Variants in NDEL1 observed in about 807,000 individuals in gnomAD.
The protein encoded by NDEL1 is nudE neurodevelopment protein 1 like 1.
A neutral mutation model predicts 45.7 loss-of-function variants in NDEL1; 9 were observed. That is an observed-to-expected ratio of 0.20 (90% CI 0.12 to 0.34). The LOEUF is 0.34. Among genes scored for constraint, NDEL1 ranks in the 10% least tolerant of loss-of-function variants. NDEL1 has a pLI of 1.00. For missense variants in NDEL1, 306 were observed against 406.2 expected, an observed-to-expected ratio of 0.75 and a Z score of 2.12; for synonymous variants, 133 against 158.6, an observed-to-expected ratio of 0.84 and a Z score of 1.21.
chr17:8,469,464 C>T (rs1455259504), downstream of NDEL1, among the ~76,000 whole-genome samples: 1 of 152,174 alleles, frequency 6.6e-6, no homozygotes, highest in African/African-American at 2.4e-5. Flanking sequence ...CTGCCAATTG[C>T]TGGTCACTCA....
intron 1 of NDEL1, among the ~76,000 whole-genome samples, chr17:8,426,369 G>A (rs1207679979): frequency 3.3e-5 from 5 of 152,188 alleles, no homozygotes; most frequent in Admixed American, 2.0e-4. Flanking sequence ...TTTCAGCCCC[G>A]TCATTTCATT....
At chr17:8,457,095 T>A (rs1233219589) in intron 7 of NDEL1, among the ~76,000 whole-genome samples, 1 of 152,268 alleles carries the variant, frequency 6.6e-6, no homozygotes, top group African/African-American at 2.4e-5. Context: ...ACTGGGTTTT[T>A]AAATATTTCG....
chr17:8,466,888 G>C (rs111386815), intron 8 of NDEL1, 42 bp from the exon 9 acceptor site: 1 of 1,569,588 alleles, frequency 6.4e-7, no homozygotes, highest in East Asian at 2.2e-5. Context: ...TGAGTTTTTC[G>C]TTTCCCCTTT....
At chr17:8,428,546 G>A (rs1284225518) in intron 1 of NDEL1, among the ~76,000 whole-genome samples, 1 of 149,922 alleles carries the variant, frequency 6.7e-6, no homozygotes, top group African/African-American at 2.5e-5. Flanking sequence ...TGTATTTTTA[G>A]TAGACATGGG....
chr17:8,463,162 A>G, intron 8 of NDEL1: 3 of 546,664 alleles, frequency 5.5e-6, no homozygotes, highest in Non-Finnish European at 9.8e-6. Flanking sequence ...TTTTTTTCCC[A>G]TAACTTTATG....
downstream of NDEL1, among the ~76,000 whole-genome samples, chr17:8,470,870 C>T (rs187768428): frequency 4.6e-5 from 7 of 152,310 alleles, no homozygotes; most frequent in East Asian, 3.9e-4. This position sits in a 1 kb window ranked among gnomAD's most constrained non-coding sequence, Gnocchi z 4.2. Context: ...GTGCCCGCTG[C>T]GCATGCTGAC....
intron 4 of NDEL1, among the ~76,000 whole-genome samples, chr17:8,448,288 T>TA (rs1440409520): frequency 1.3e-5 from 2 of 152,334 alleles, no homozygotes; most frequent in East Asian, 3.9e-4. Context: ...ACAGTGGAGA[T>TA]ATAAATAGTG....
At chr17:8,423,876 A>G (rs980530575) in intron 1 of NDEL1, among the ~76,000 whole-genome samples, 1 of 152,214 alleles carries the variant, frequency 6.6e-6, no homozygotes, top group Non-Finnish European at 1.5e-5. Context: ...TACTGGGGTT[A>G]CTTGGCTGAA....
chr17:8,431,571 G>A (rs1175437596), upstream of NDEL1, among the ~76,000 whole-genome samples: 3 of 152,216 alleles, frequency 2.0e-5, no homozygotes, highest in Non-Finnish European at 4.4e-5. Context: ...TGTTAATAGT[G>A]TGTTTTCTGG....
intron 2 of NDEL1, 104 bp downstream of exon 2, chr17:8,444,461 G>A: frequency 1.4e-6 from 1 of 739,240 alleles, no homozygotes. Flanking sequence ...TAGAATTGCA[G>A]ATTTAGGATT....
At chr17:8,446,999 C>T in intron 4 of NDEL1, 97 bp downstream of exon 4, 2 of 1,435,002 alleles carry the variant, frequency 1.4e-6, no homozygotes, top group Non-Finnish European at 1.9e-6. Flanking sequence ...AGTCCCAGAA[C>T]ATTTCCTGTT....
At chr17:8,421,133 T>C (rs940112108) in intron 1 of NDEL1, among the ~76,000 whole-genome samples, 12 of 152,198 alleles carry the variant, frequency 7.9e-5, no homozygotes, top group Admixed American at 2.0e-4. Context: ...ATGAGGTTAA[T>C]GGAAGATTTA....
chr17:8,463,166 C>CT (rs1911329488), intron 8 of NDEL1: 1 of 540,928 alleles, frequency 1.8e-6, no homozygotes, highest in African/African-American at 2.0e-5. Context: ...TTTCCCATAA[C>CT]TTTATGTAGT....
chr17:8,428,629 C>A (rs1256787750), intron 1 of NDEL1, among the ~76,000 whole-genome samples: 1 of 151,886 alleles, frequency 6.6e-6, no homozygotes, highest in African/African-American at 2.4e-5. Context: ...TCCCAAAGTG[C>A]TGGGATTATA....
At chr17:8,446,615 T>G in intron 3 of NDEL1, 139 bp from the exon 4 acceptor site, 1 of 752,070 alleles carries the variant, frequency 1.3e-6, no homozygotes, top group Non-Finnish European at 2.0e-6. Flanking sequence ...AATGTGTCAT[T>G]TAGTTGTTTT....
chr17:8,469,748 G>C (rs1396409272), downstream of NDEL1, among the ~76,000 whole-genome samples: 1 of 151,234 alleles, frequency 6.6e-6, no homozygotes, highest in Non-Finnish European at 1.5e-5. Flanking sequence ...CTGTCGCCCA[G>C]GCTGGAGTGC....
At position 8,444,257 on chromosome 17, in the gene NDEL1, C is replaced by T. The variant is rs1230172309; in HGVS notation, c.-12-3C>T. The T allele has an allele frequency of 6.3e-7, 1 of 1,576,858 alleles. No homozygotes were observed. The highest frequency in any genetic ancestry group is 8.7e-7 in the Non-Finnish European group (1 of 1,150,272). On this transcript the variant is annotated splice_polypyrimidine_tract_variant and splice_region_variant and intron_variant, in intron 1 of 8. Transcript: ENST00000334527. ...TGTTAAGTTTGTCTTTAATATTTCA[C>T]AGGCTTTCTTGATCATGGATGGTGA...
At chr17:8,422,702 A>C (rs1454952491) in intron 1 of NDEL1, among the ~76,000 whole-genome samples, 1 of 151,866 alleles carries the variant, frequency 6.6e-6, no homozygotes, top group Non-Finnish European at 1.5e-5. Flanking sequence ...TTTTCCATGT[A>C]AAGGCCATAA....
intron 1 of NDEL1, among the ~76,000 whole-genome samples, chr17:8,415,198 A>T (rs780929491): frequency 5.4e-4 from 71 of 132,702 alleles, no homozygotes; most frequent in Non-Finnish European, 7.1e-4. Flanking sequence ...TTCTTTTTTG[A>T]GATGGGATCT....
Sources: gnomAD v4.1 joint callset for allele counts (sites outside exome capture counted in the v4.1 genomes callset) on GRCh38, gnomAD v4.1.1 for gene constraint, Gnocchi (gnomAD v3.1) non-coding constraint, MANE v1.5 for transcripts, NCBI Gene and HGNC (gene_info 2026-07-23, HGNC 2026-07-21) for gene names.